The following BBX variants were observed in gnomAD, a reference collection of about 807,000 sequenced individuals.
BBX encodes the protein BBX high mobility group box domain containing.
Under a neutral mutation model 100.2 loss-of-function variants are expected in BBX, and 30 were observed. That is an observed-to-expected ratio of 0.30 (90% CI 0.22 to 0.41). The LOEUF (loss-of-function observed/expected upper bound fraction) is 0.41. Ranked by LOEUF, BBX falls within the 10% of genes least tolerant of loss-of-function variation. The pLI, the probability that BBX is intolerant of heterozygous loss-of-function variation, is 1.00. For synonymous variants in BBX, 376 were observed against 388.1 expected (o/e 0.97, Z 0.37); for missense variants, 1,023 against 1,129.8 (o/e 0.91, Z 1.35).
rs187795977 is a variant in BBX, at chr3:107,683,318, G to A, written c.-9-27134G>A. ...ATGGTGGGATTCAAGGTGTGATGTGGTGTAAACTTGTACTTTTTAGAAATA... is the reference window on the plus strand; with the variant it reads ...ATGGTGGGATTCAAGGTGTGATGTGATGTAAACTTGTACTTTTTAGAAATA... On this transcript the variant is annotated intron_variant, in intron 3 of 17. Coordinates refer to ENST00000325805, the MANE Select transcript of BBX (RefSeq NM_001142568.3). Among the ~76,000 whole-genome samples, 25 of 152,186 alleles carry A rather than the reference G, an allele frequency of 1.6e-4. No individual in the cohort carries two copies. The South Asian group carries it at 2.1e-3, about 13-fold the overall frequency.
At chr3:107,584,512 T>C (rs539784086) in intron 2 of BBX, among the ~76,000 whole-genome samples, 10 of 150,928 alleles carry the variant, frequency 6.6e-5, no homozygotes, top group African/African-American at 2.4e-4. Flanking sequence ...ATGGTAATTA[T>C]TACCAAATAA....
chr3:107,790,762 A>AT (rs2068934697), intron 14 of BBX, among the ~76,000 whole-genome samples: 1 of 152,120 alleles, frequency 6.6e-6, no homozygotes, highest in Admixed American at 6.5e-5. Context: ...TTCTTGAATG[A>AT]GGCTTTAAAC....
chr3:107,678,060 A>G (rs1559955843), intron 3 of BBX, among the ~76,000 whole-genome samples: 1 of 152,188 alleles, frequency 6.6e-6, no homozygotes, highest in Admixed American at 6.5e-5. Context: ...ATGTGTATAT[A>G]AGCACATATT....
intron 2 of BBX, among the ~76,000 whole-genome samples, chr3:107,535,423 A>G (rs142637973): frequency 1.3e-5 from 2 of 152,076 alleles, no homozygotes; most frequent in East Asian, 3.9e-4. Flanking sequence ...TATATAATTG[A>G]TGTTTAGTCA....
At chr3:107,742,459 C>T (rs1480925996) in intron 7 of BBX, among the ~76,000 whole-genome samples, 3 of 152,040 alleles carry the variant, frequency 2.0e-5, no homozygotes, top group African/African-American at 7.3e-5. Flanking sequence ...GTGCTGTTTC[C>T]ACTATACTAT....
At chr3:107,533,053 G>T (rs571464512) in intron 2 of BBX, among the ~76,000 whole-genome samples, 1 of 152,098 alleles carries the variant, frequency 6.6e-6, no homozygotes, top group South Asian at 2.1e-4. Context: ...TCATGGGATT[G>T]TTTAAAGTAG....
chr3:107,693,572 A>T (rs1319689210), intron 3 of BBX, among the ~76,000 whole-genome samples: 1 of 151,732 alleles, frequency 6.6e-6, no homozygotes, highest in Non-Finnish European at 1.5e-5. Context: ...CTGTTTTGGT[A>T]CCAGTACCAT....
intron 10 of BBX, among the ~76,000 whole-genome samples, chr3:107,768,091 CCT>C (rs889188977): frequency 2.0e-5 from 3 of 152,168 alleles, no homozygotes; most frequent in African/African-American, 4.8e-5. Flanking sequence ...GTCACTAACC[CCT>C]GTGTTGCGTC....
At chr3:107,580,341 A>G (rs563834839) in intron 2 of BBX, among the ~76,000 whole-genome samples, 52 of 152,138 alleles carry the variant, frequency 3.4e-4, no homozygotes, top group Non-Finnish European at 5.7e-4. Context: ...TTTTAAATCC[A>G]CAGGTTTTTT....
intron 4 of BBX, among the ~76,000 whole-genome samples, chr3:107,712,932 T>G (rs2061827720): frequency 6.6e-6 from 1 of 152,166 alleles, no homozygotes; most frequent in African/African-American, 2.4e-5. Flanking sequence ...CACTCAGTGG[T>G]CTAGTCCATA....
chr3:107,692,857 CTGT>C (rs1237742887), intron 3 of BBX, among the ~76,000 whole-genome samples: 1 of 149,264 alleles, frequency 6.7e-6, no homozygotes, highest in East Asian at 2.0e-4. Flanking sequence ...TCTCCAGCAC[CTGT>C]TGTTTCCTGA....
intron 5 of BBX, among the ~76,000 whole-genome samples, chr3:107,723,046 A>C (rs890888051): frequency 6.6e-6 from 1 of 152,002 alleles, no homozygotes. Flanking sequence ...ATCTCTTTCT[A>C]AAAAATCCAA....
intron 2 of BBX, among the ~76,000 whole-genome samples, chr3:107,560,175 T>C (rs2050379472): frequency 6.6e-6 from 1 of 151,604 alleles, no homozygotes; most frequent in Non-Finnish European, 1.5e-5. Flanking sequence ...TACTACTTTC[T>C]AATTCAGTGT....
At chr3:107,805,275 A>AC in intron 17 of BBX, 95 bp from the exon 18 acceptor site, 1 of 1,342,938 alleles carries the variant, frequency 7.4e-7, no homozygotes, top group East Asian at 2.3e-5. Context: ...GTAACTGTTA[A>AC]ACAAGATATT....
chr3:107,742,745 A>G (rs944183435), intron 7 of BBX, among the ~76,000 whole-genome samples: 2 of 152,194 alleles, frequency 1.3e-5, no homozygotes, highest in African/African-American at 4.8e-5. Flanking sequence ...ATTTGATTGC[A>G]TGCTAAAATT....
chr3:107,730,199 T>C (rs1205888329), intron 6 of BBX, among the ~76,000 whole-genome samples: 1 of 152,170 alleles, frequency 6.6e-6, no homozygotes, highest in Non-Finnish European at 1.5e-5. Flanking sequence ...AAATGATGCT[T>C]CTACATGTCC....
chr3:107,703,673 G>T (rs2061219834), intron 3 of BBX, among the ~76,000 whole-genome samples: 1 of 152,098 alleles, frequency 6.6e-6, no homozygotes, highest in Admixed American at 6.5e-5. Flanking sequence ...GACACTTTTT[G>T]CATGACTAGT....
Position 107,631,439 on chromosome 3 carries a change from G to A in BBX, c.-83-14397G>A, listed in dbSNP as rs637681. On this transcript the variant is annotated intron_variant, in intron 2 of 17. Coordinates refer to ENST00000325805, the MANE Select transcript of BBX (RefSeq NM_001142568.3). ...GTGTCAAGTAAGTCTCCCAGTGTAG[G>A]TCATCTAGAAGACTTTAACCAAACA... Among the ~76,000 whole-genome samples, 778 of 151,664 alleles carry A rather than the reference G, an allele frequency of 5.1e-3. 13 individuals carry two copies. The highest frequency in any genetic ancestry group is 0.018 in the African/African-American group (759 of 41,326).
In BBX at chr3:107,786,507, C is replaced by G. The variant is rs554763661; in HGVS notation, c.2204-3280C>G. 3.3e-5 allele frequency among the ~76,000 whole-genome samples: 5 copies of G among 152,170 alleles called. No individual in the cohort carries two copies. The South Asian group carries it at 1.0e-3, about 32-fold the overall frequency. ...CTGTCATAAACCTGACATTTTTGGT[C>G]AACTAATTTTCAACAAGGGTGCCAA... On this transcript the variant is annotated intron_variant, in intron 13 of 17. Transcript: ENST00000325805.
Sources: allele counts gnomAD v4.1 joint callset (sites outside exome capture counted in the v4.1 genomes callset), GRCh38; gene constraint gnomAD v4.1.1; transcripts MANE v1.5; gene names NCBI Gene and HGNC (gene_info 2026-07-23, HGNC 2026-07-21).